The following CALN1 variants were observed in gnomAD, a reference collection of about 807,000 sequenced individuals.
CALN1 encodes calcium-binding protein 8.
Under a neutral mutation model 30.6 loss-of-function variants are expected in CALN1, and 17 were observed. The ratio of observed to expected loss-of-function variants is 0.56; its 90% CI spans 0.38 to 0.83. The LOEUF is 0.83. Ranked by LOEUF, CALN1 falls within the 40% of genes least tolerant of loss-of-function variation. The pLI, the probability that CALN1 is intolerant of heterozygous loss-of-function variation, is 0.00. For synonymous variants in CALN1, 156 were observed against 131.4 expected (o/e 1.19, Z -1.28); for missense variants, 291 against 354.9 (o/e 0.82, Z 1.45).
At chr7:72,197,045 A>C (rs777551279) in intron 3 of CALN1, among the ~76,000 whole-genome samples, 4 of 152,086 alleles carry the variant, frequency 2.6e-5, no homozygotes, top group Non-Finnish European at 4.4e-5. Context: ...AAAACTATGA[A>C]ATTTTACCTC....
chr7:72,221,740 AT>A (rs1161291116), intron 3 of CALN1, among the ~76,000 whole-genome samples: 1 of 151,928 alleles, frequency 6.6e-6, no homozygotes, highest in Admixed American at 6.6e-5. Context: ...AACTACAAAA[AT>A]TAGCTGGGCA....
chr7:71,873,403 G>A (rs182661999), intron 5 of CALN1, among the ~76,000 whole-genome samples: 1 of 152,210 alleles, frequency 6.6e-6, no homozygotes, highest in African/African-American at 2.4e-5. Context: ...AAATAATAAA[G>A]AAGGCAGTTA....
rs571993350 is a variant in CALN1, at chr7:72,250,729, G to T, written c.244+27957C>A. Among the ~76,000 whole-genome samples the T allele has an allele frequency of 9.2e-5, 14 of 152,048 alleles. 1 individual carries two copies. Among genetic ancestry groups the T allele is most frequent in the Middle Eastern group, 3.4e-3 (1 of 294 alleles). On this transcript the variant is annotated intron_variant, in intron 3 of 6. Transcript: ENST00000395275. Reference sequence around the variant, plus strand: ...GCATCTCGCTTACTCCCCCTCTTGCGACGTGATGCCCACTCCCCTTCCTCT... The same window carrying T: ...GCATCTCGCTTACTCCCCCTCTTGCTACGTGATGCCCACTCCCCTTCCTCT...
At chr7:72,440,979 T>G (rs1225932979) in intron 1 of CALN1, among the ~76,000 whole-genome samples, 1 of 152,242 alleles carries the variant, frequency 6.6e-6, no homozygotes, top group South Asian at 2.1e-4. Context: ...TAGTTTATGA[T>G]CATATATTTT....
At chr7:72,492,551 G>A in the CALN1 span, among the ~76,000 whole-genome samples, 2 of 152,220 alleles carry the variant, frequency 1.3e-5, no homozygotes, top group Non-Finnish European at 2.9e-5. Flanking sequence ...CACCTGTGTA[G>A]TCCTGCGGCT....
intron 2 of CALN1, among the ~76,000 whole-genome samples, chr7:72,340,679 G>A (rs954327781): frequency 5.3e-5 from 8 of 152,094 alleles, no homozygotes; most frequent in Admixed American, 2.6e-4. Flanking sequence ...TCAGAGATGC[G>A]CATAGAAGGT....
chr7:72,344,871 CATAA>C (rs1212372734), intron 2 of CALN1, among the ~76,000 whole-genome samples: 4 of 146,552 alleles, frequency 2.7e-5, no homozygotes, highest in East Asian at 1.9e-4. Flanking sequence ...TTATATAACA[CATAA>C]ATATATAAAT....
At chr7:71,851,745 G>A (rs1243415071) in intron 5 of CALN1, among the ~76,000 whole-genome samples, 1 of 152,050 alleles carries the variant, frequency 6.6e-6, no homozygotes, top group Non-Finnish European at 1.5e-5. Flanking sequence ...ATGGATCTAA[G>A]ATGGTGTCCT....
chr7:71,880,258 A>T (rs1792488527), intron 5 of CALN1, among the ~76,000 whole-genome samples: 1 of 152,186 alleles, frequency 6.6e-6, no homozygotes, highest in Non-Finnish European at 1.5e-5. Flanking sequence ...AAAGAAATTA[A>T]CTTGACACAG....
chr7:71,951,887 G>T (rs1796710694), intron 5 of CALN1, among the ~76,000 whole-genome samples: 1 of 151,896 alleles, frequency 6.6e-6, no homozygotes. Flanking sequence ...TGGATCTTCT[G>T]ATGTCTTGCA....
chr7:72,208,004 ATT>A (rs1792019517), intron 3 of CALN1, among the ~76,000 whole-genome samples: 1 of 152,214 alleles, frequency 6.6e-6, no homozygotes, highest in Non-Finnish European at 1.5e-5. Context: ...TTATCAATGT[ATT>A]GTTAAACTCA....
At position 71,878,911 on chromosome 7, in the gene CALN1, A is replaced by G. The variant is rs1792409460; in HGVS notation, c.502-68419T>C. On this transcript the variant is annotated intron_variant, in intron 5 of 6. Transcript: ENST00000395275. ...AGAATCAGGTGAGAAGAGAGAACCA[A>G]ATCAACCAAGTCCCTTCCCACAACC... Among the ~76,000 whole-genome samples, 3 of 152,256 alleles carry G rather than the reference A, an allele frequency of 2.0e-5. No individual in the cohort carries two copies. The South Asian group carries it at 6.2e-4, about 32-fold the overall frequency.
chr7:72,191,026 T>A (rs916280474), intron 3 of CALN1, among the ~76,000 whole-genome samples: 1 of 152,240 alleles, frequency 6.6e-6, no homozygotes, highest in Non-Finnish European at 1.5e-5. Context: ...GCGACTATTG[T>A]ACGGCAAGAA....
chr7:72,230,183 G>T (rs1483652261), intron 3 of CALN1, among the ~76,000 whole-genome samples: 3 of 151,822 alleles, frequency 2.0e-5, no homozygotes, highest in African/African-American at 7.3e-5. Flanking sequence ...TAGATGACAG[G>T]TTGATAGGTG....
chr7:71,967,789 A>G (rs1025132125), intron 5 of CALN1, among the ~76,000 whole-genome samples: 5 of 152,172 alleles, frequency 3.3e-5, no homozygotes, highest in Non-Finnish European at 7.3e-5. Flanking sequence ...ACTAAAGTAA[A>G]TGAAAAGAAA....
chr7:72,262,903 T>C (rs1461930942), intron 3 of CALN1, among the ~76,000 whole-genome samples: 1 of 152,194 alleles, frequency 6.6e-6, no homozygotes, highest in Non-Finnish European at 1.5e-5. Flanking sequence ...GTAGGAAAGG[T>C]ATCCTTATGC....
intron 3 of CALN1, among the ~76,000 whole-genome samples, chr7:72,267,835 C>T (rs140186834): frequency 1.3e-3 from 194 of 152,090 alleles, no homozygotes; most frequent in Admixed American, 3.2e-3. Flanking sequence ...AGCAAGACCT[C>T]GTCTTTGCTA....
intron 4 of CALN1, among the ~76,000 whole-genome samples, chr7:72,069,743 G>A (rs1364276802): frequency 6.6e-6 from 1 of 152,116 alleles, no homozygotes; most frequent in Non-Finnish European, 1.5e-5. Context: ...AAGAGGGAGA[G>A]CTTGATATCT....
intron 2 of CALN1, among the ~76,000 whole-genome samples, chr7:72,371,866 T>C (rs1267609019): frequency 6.6e-6 from 1 of 152,168 alleles, no homozygotes; most frequent in Non-Finnish European, 1.5e-5. Context: ...GCTCTCCCCA[T>C]GAATGCAGTG....
Sources: allele counts gnomAD v4.1 joint callset (sites outside exome capture counted in the v4.1 genomes callset), GRCh38; gene constraint gnomAD v4.1.1; transcripts MANE v1.5; gene names NCBI Gene and HGNC (gene_info 2026-07-23, HGNC 2026-07-21).